The following GFUS variants were observed in gnomAD, a reference collection of about 807,000 sequenced individuals.
GFUS encodes 3-5 epimerase/4-reductase.
A neutral mutation model predicts 41.5 loss-of-function variants in GFUS; 42 were observed. The ratio of observed to expected loss-of-function variants is 1.01; its 90% CI spans 0.79 to 1.31. The LOEUF is 1.31. Among genes scored for constraint, GFUS ranks in the 50% most tolerant of loss-of-function variants. The probability of loss-of-function intolerance (pLI) is 0.00; values close to 1 mark genes in which losing one functional copy is unlikely to be tolerated. For missense variants in GFUS, 437 were observed against 428.7 expected (o/e 1.02, Z -0.17); for synonymous variants, 188 against 173.4 (o/e 1.08, Z -0.66).
rs535791357 is a variant in GFUS, at chr8:143,614,513, C to T, written c.465-60G>A. 205 of 1,572,064 alleles carry T rather than the reference C, an allele frequency of 1.3e-4. 1 individual carries two copies. In the African/African-American group the frequency reaches 2.2e-3, roughly 17 times the overall value. Reference sequence around the variant, plus strand: ...GGCCCGCGATCCCACCCCAGGCTGCCGCTGGCCTCTTACTGAGGCTGGCAC... The same window carrying T: ...GGCCCGCGATCCCACCCCAGGCTGCTGCTGGCCTCTTACTGAGGCTGGCAC... On this transcript the variant is annotated intron_variant, in intron 5 of 10. Coordinates refer to ENST00000425753, the MANE Select transcript of GFUS (RefSeq NM_003313.4).
At chr8:143,615,967 C>T in intron 3 of GFUS, 139 bp downstream of exon 3, 3 of 706,922 alleles carry the variant, frequency 4.2e-6, no homozygotes, top group Non-Finnish European at 7.0e-6. Flanking sequence ...GGGCTGCCCC[C>T]ACCAGGCTGT....
At chr8:143,614,739 T>G in intron 4 of GFUS, 42 bp from the exon 5 acceptor site, 1 of 1,613,116 alleles carries the variant, frequency 6.2e-7, no homozygotes, top group South Asian at 1.1e-5. Context: ...TTCCTGGCCC[T>G]GCCCACCGGC....
chr8:143,616,538 A>C, intron 2 of GFUS, 29 bp downstream of exon 2: 4 of 1,613,574 alleles, frequency 2.5e-6, no homozygotes, highest in Non-Finnish European at 3.4e-6. Flanking sequence ...ATGGAGAGGA[A>C]GGGCTGATCT....
chr8:143,614,207 A>G lies in GFUS; in HGVS notation c.620T>C (p.Val207Ala). 1 of 1,613,348 alleles carries G rather than the reference A, an allele frequency of 6.2e-7. No individual in the cohort carries two copies. Among genetic ancestry groups the G allele is most frequent in the Non-Finnish European group, 8.5e-7 (1 of 1,179,976 alleles). The change falls in exon 7 of 11, where the codon GTG (valine) becomes GCG (alanine). Residue 207 changes from valine to alanine, a missense_variant. Coordinates refer to ENST00000425753, the MANE Select transcript of GFUS (RefSeq NM_003313.4). ...CCTCCGCGGATTCCCTGTACCCCAC[A>G]CCGTCAGGGCCGAGCCGCTGCCTGC... Reference protein sequence around the residue: ...LAKSSGSALTVWGTGNPRRQF... With the variant: ...LAKSSGSALTAWGTGNPRRQF...
intron 1 of GFUS, chr8:143,616,947 G>C: frequency 1.7e-6 from 1 of 594,918 alleles, no homozygotes; most frequent in African/African-American, 1.9e-5. Context: ...ACCCAGCCCA[G>C]AGCAGCTGGT....
intron 10 of GFUS, 106 bp downstream of exon 10, chr8:143,613,090 C>T: frequency 1.3e-6 from 2 of 1,538,006 alleles, no homozygotes; most frequent in Non-Finnish European, 1.8e-6. Flanking sequence ...ACCTCCAGGG[C>T]AGTACAGGCT....
intron 3 of GFUS, chr8:143,615,773 CCA>C (rs1401808636): frequency 3.4e-6 from 1 of 294,002 alleles, no homozygotes; most frequent in Non-Finnish European, 6.3e-6. Flanking sequence ...GCCAGAGGCT[CCA>C]GAGGCCCTGG....
At chr8:143,615,379 C>T (rs900090722) in intron 3 of GFUS, among the ~76,000 whole-genome samples, 27 of 152,340 alleles carry the variant, frequency 1.8e-4, no homozygotes, top group African/African-American at 5.8e-4. Context: ...CCCCACTTCC[C>T]GTGCATGAAC....
Position 143,613,602 on chromosome 8 carries a change from C to T in GFUS, c.732G>A (p.Val244=), listed in dbSNP as rs773894856. ...TGATGGAGACCTCATCTTCCTCGCC[C>T]ACTGTGGGGAGCCACCGGGTCAGGC... The part of the protein sequence containing the change: ...YNEVEPIILS[V]GEEDEVSIKE... Residue 244 remains valine, a splice_region_variant and synonymous_variant, in exon 9 of 11, where the codon GTG becomes GTA. Transcript: ENST00000425753. 3.0e-5 allele frequency: 48 copies of T among 1,611,956 alleles called. No homozygotes were observed. In the South Asian group the frequency reaches 5.2e-4, roughly 17 times the overall value.
chr8:143,615,820 C>T (rs542713080), intron 3 of GFUS: 17 of 384,786 alleles, frequency 4.4e-5, no homozygotes, highest in Non-Finnish European at 7.0e-5. Flanking sequence ...CCCAGTCCCA[C>T]GTGGCCGCTG....
intron 1 of GFUS, chr8:143,616,985 A>C (rs921374968): frequency 7.4e-6 from 4 of 541,498 alleles, no homozygotes; most frequent in African/African-American, 5.7e-5. Context: ...CACTAGGCCG[A>C]GAAAAGGTAC....
chr8:143,613,417 G>T, intron 9 of GFUS, 107 bp downstream of exon 9: 2 of 1,490,696 alleles, frequency 1.3e-6, no homozygotes, highest in Non-Finnish European at 1.8e-6. Flanking sequence ...GCCAGGGTGA[G>T]CATCCTCCCT....
intron 3 of GFUS, chr8:143,615,841 G>A: frequency 2.4e-6 from 1 of 417,210 alleles, no homozygotes; most frequent in East Asian, 3.7e-5. Flanking sequence ...GCTCTTTTCA[G>A]CCTCCCAATG....
At chr8:143,615,884 G>A (rs1587305943) in intron 3 of GFUS, 1 of 474,794 alleles carries the variant, frequency 2.1e-6, no homozygotes, top group Non-Finnish European at 3.7e-6. Context: ...TGCCTACTGG[G>A]CCAAGTGCCT....
In GFUS at chr8:143,616,128, A is replaced by C. The variant is rs1457846299; in HGVS notation, c.239T>G (p.Ile80Ser). Residue 80 changes from isoleucine (I) to serine (S), a missense_variant, in exon 3 of 11, where the codon ATC becomes AGC. Physicochemically the swap from Ile to Ser is moderately radical, Grantham distance 142. Transcript: ENST00000425753. ...TACCCAGAAGTCCAAATTGTATTTG[A>C]TATTCCGGAACAGGCCCCCCACCAT... ...AAMVGGLFRNIKYNLDFWRKN... is the reference protein window; with the variant it reads ...AAMVGGLFRNSKYNLDFWRKN... The C allele has an allele frequency of 5.0e-6, 8 of 1,605,314 alleles. No individual in the cohort carries two copies. In the African/African-American group the frequency reaches 9.4e-5, roughly 19 times the overall value.
At position 143,614,655 on chromosome 8, in the gene GFUS, A is replaced by G; in HGVS notation, c.433T>C (p.Tyr145His). ...PPHNSNFGYSYAKRMIDVQNR... is the reference protein window; with the variant it reads ...PPHNSNFGYSHAKRMIDVQNR... ...TGCACGTCGATCATCCTCTTGGCATACGAGTACCCAAAATTGCTGTTGTGG... is the reference window on the plus strand; with the variant it reads ...TGCACGTCGATCATCCTCTTGGCATGCGAGTACCCAAAATTGCTGTTGTGG... The change falls in exon 5 of 11, where the codon TAT becomes CAT. Residue 145 changes from tyrosine to histidine, a missense_variant. Tyr to His is a moderately conservative substitution (Grantham distance 83). Transcript: ENST00000425753. 6.2e-7 allele frequency: 1 copy of G among 1,606,894 alleles called. No individual in the cohort carries two copies. The highest frequency in any genetic ancestry group is 8.5e-7 in the Non-Finnish European group (1 of 1,174,596).
intron 5 of GFUS, 77 bp downstream of exon 5, chr8:143,614,547 G>C (rs891201327): frequency 1.3e-6 from 2 of 1,556,922 alleles, no homozygotes; most frequent in Non-Finnish European, 1.7e-6. Context: ...ACGAAGACCC[G>C]ACCAGCCGGC....
chr8:143,614,208 C>T lies in GFUS; in HGVS notation c.619G>A (p.Val207Met). The T allele has an allele frequency of 6.2e-7, 1 of 1,613,586 alleles. No homozygotes were observed. The highest frequency in any genetic ancestry group is 1.3e-5 in the African/African-American group (1 of 75,066). The change falls in exon 7 of 11, where the codon GTG (valine) becomes ATG (methionine). Residue 207 changes from valine (V) to methionine (M), a missense_variant. Physicochemically the swap from Val to Met is conservative, Grantham distance 21. Transcript: ENST00000425753. ...CTCCGCGGATTCCCTGTACCCCACACCGTCAGGGCCGAGCCGCTGCCTGCA... is the reference window on the plus strand; with the variant it reads ...CTCCGCGGATTCCCTGTACCCCACATCGTCAGGGCCGAGCCGCTGCCTGCA... ...LAKSSGSALTVWGTGNPRRQF... is the reference protein window; with the variant it reads ...LAKSSGSALTMWGTGNPRRQF...
At chr8:143,616,832 C>G in intron 1 of GFUS, 109 bp from the exon 2 acceptor site, 2 of 1,331,928 alleles carry the variant, frequency 1.5e-6, no homozygotes, top group Non-Finnish European at 2.1e-6. Flanking sequence ...GGGGCATAGT[C>G]CACTGGCAAC....
Sources: allele counts gnomAD v4.1 joint callset (sites outside exome capture counted in the v4.1 genomes callset), GRCh38; gene constraint gnomAD v4.1.1; transcripts MANE v1.5; gene names NCBI Gene and HGNC (gene_info 2026-07-23, HGNC 2026-07-21).